The following CACNA2D1 variants were observed in gnomAD, a reference collection of about 807,000 sequenced individuals.
The protein encoded by CACNA2D1 is calcium voltage-gated channel auxiliary subunit alpha2delta 1, also known as voltage-dependent calcium channel subunit alpha-2/delta-1.
Under a neutral mutation model 171.5 loss-of-function variants are expected in CACNA2D1, and 53 were observed. That is an observed-to-expected ratio of 0.31 (90% CI 0.25 to 0.39). CACNA2D1 has a LOEUF of 0.39. Among genes scored for constraint, CACNA2D1 ranks in the 10% least tolerant of loss-of-function variants. CACNA2D1 has a pLI of 1.00. For synonymous variants in CACNA2D1, 442 were observed against 443.1 expected (o/e 1.00, Z 0.03); for missense variants, 903 against 1,299.8 (o/e 0.69, Z 4.69).
intron 3 of CACNA2D1, among the ~76,000 whole-genome samples, chr7:82,233,235 T>C (rs1296491240): frequency 2.0e-5 from 3 of 152,212 alleles, no homozygotes; most frequent in Admixed American, 6.5e-5. Context: ...TCTTGACATA[T>C]TACTATTTTC....
chr7:82,200,136 G>A (rs555537657), intron 3 of CACNA2D1, among the ~76,000 whole-genome samples: 1 of 152,152 alleles, frequency 6.6e-6, no homozygotes, highest in African/African-American at 2.4e-5. Context: ...ACACATATAC[G>A]TATGTATAAC....
chr7:82,101,721 T>C (rs1342325418), intron 6 of CACNA2D1, among the ~76,000 whole-genome samples: 1 of 152,190 alleles, frequency 6.6e-6, no homozygotes, highest in East Asian at 1.9e-4. Flanking sequence ...AAAAATGTCT[T>C]ATTTTATTGA....
chr7:81,985,132 T>C (rs1206638751), intron 21 of CACNA2D1, among the ~76,000 whole-genome samples: 3 of 151,884 alleles, frequency 2.0e-5, no homozygotes, highest in African/African-American at 7.3e-5. Flanking sequence ...ATATATAATG[T>C]TAAAGTGCTT....
intron 3 of CACNA2D1, among the ~76,000 whole-genome samples, chr7:82,308,981 A>T (rs1441212892): frequency 1.3e-5 from 2 of 152,208 alleles, no homozygotes; most frequent in Non-Finnish European, 2.9e-5. Flanking sequence ...GAAGTTGGCA[A>T]ATGAGAATTT....
At chr7:82,311,542 T>A (rs1284138284) in intron 3 of CACNA2D1, among the ~76,000 whole-genome samples, 1 of 152,140 alleles carries the variant, frequency 6.6e-6, no homozygotes, top group African/African-American at 2.4e-5. Flanking sequence ...AAAAAAAATC[T>A]TTTTTCTTTC....
chr7:82,321,668 T>C (rs1054834785), intron 3 of CACNA2D1, among the ~76,000 whole-genome samples: 3 of 152,098 alleles, frequency 2.0e-5, no homozygotes, highest in African/African-American at 4.8e-5. Context: ...TTGTGAGGAA[T>C]TGATGATAGC....
chr7:82,142,927 C>A (rs751281008), intron 4 of CACNA2D1, among the ~76,000 whole-genome samples: 2 of 152,140 alleles, frequency 1.3e-5, no homozygotes, highest in African/African-American at 4.8e-5. Flanking sequence ...GACTTAGCAA[C>A]CACTGCTATT....
At chr7:81,970,807 G>A in intron 26 of CACNA2D1, 70 bp from the exon 27 acceptor site, 1 of 858,592 alleles carries the variant, frequency 1.2e-6, no homozygotes, top group Non-Finnish European at 2.0e-6. Context: ...AGGTGTTGGT[G>A]ATACAAAGAG....
intron 3 of CACNA2D1, among the ~76,000 whole-genome samples, chr7:82,174,697 T>C (rs1323866235): frequency 5.9e-5 from 9 of 152,112 alleles, no homozygotes; most frequent in Admixed American, 5.9e-4. Flanking sequence ...AGCAAGGTTT[T>C]AGAAATTACT....
At chr7:82,242,097 G>GA (rs1034254176) in intron 3 of CACNA2D1, among the ~76,000 whole-genome samples, 3 of 152,026 alleles carry the variant, frequency 2.0e-5, no homozygotes, top group African/African-American at 7.2e-5. Flanking sequence ...CTAAGAGGGG[G>GA]AAAAAAGTGA....
chr7:82,050,346 A>T lies in CACNA2D1; in HGVS notation c.879+10082T>A, dbSNP rs537925647. On this transcript the variant is annotated intron_variant, in intron 10 of 38. Transcript: ENST00000356860. The stretch of plus-strand genomic sequence containing the variant: ...AAAATACAAGCCCTCTGAGTCAGAG[A>T]CAAAGAGTTTATTACTCATAGCAAC... 241 of 457,946 alleles carry T rather than the reference A, an allele frequency of 5.3e-4. 2 individuals carry two copies. Among genetic ancestry groups the T allele is most frequent in the South Asian group, 7.9e-4 (19 of 23,932 alleles). The allele number at this position is 457,946 out of a possible 1,614,324, so 28.4% of individuals were successfully genotyped here.
chr7:82,399,372 G>A (rs759059308), intron 1 of CACNA2D1, among the ~76,000 whole-genome samples: 176 of 151,678 alleles, frequency 1.2e-3, no homozygotes, highest in African/African-American at 3.9e-3. Context: ...CCCAGGAGGC[G>A]GAGGCTGCAG....
At chr7:82,336,367 T>C (rs1228534186) in intron 2 of CACNA2D1, among the ~76,000 whole-genome samples, 3 of 152,248 alleles carry the variant, frequency 2.0e-5, no homozygotes, top group Admixed American at 6.5e-5. Flanking sequence ...CATGGACTTA[T>C]AATTTTTTAT....
intron 5 of CACNA2D1, among the ~76,000 whole-genome samples, chr7:82,130,374 CA>C (rs1790813756): frequency 6.6e-6 from 1 of 151,128 alleles, no homozygotes. Flanking sequence ...TATTAAACAT[CA>C]AAAAAAGAGT....
chr7:82,067,347 G>A (rs1209386566), intron 7 of CACNA2D1, among the ~76,000 whole-genome samples: 2 of 152,044 alleles, frequency 1.3e-5, no homozygotes, highest in Non-Finnish European at 2.9e-5. Context: ...TATGACTCCT[G>A]GGCAAATGCC....
At chr7:82,112,156 T>G (rs763429833) in intron 6 of CACNA2D1, among the ~76,000 whole-genome samples, 48 of 152,318 alleles carry the variant, frequency 3.2e-4, no homozygotes, top group Middle Eastern at 6.8e-3. Flanking sequence ...TCCTAAGTAA[T>G]CTACCCTACA....
chr7:82,125,965 CCACTT>C (rs558197294), intron 5 of CACNA2D1, among the ~76,000 whole-genome samples: 4 of 152,124 alleles, frequency 2.6e-5, no homozygotes, highest in Non-Finnish European at 5.9e-5. Flanking sequence ...AAGATCACTT[CCACTT>C]AAGTTGTAAT....
At chr7:82,100,963 T>A (rs1177905234) in intron 6 of CACNA2D1, among the ~76,000 whole-genome samples, 3 of 152,114 alleles carry the variant, frequency 2.0e-5, no homozygotes, top group Non-Finnish European at 2.9e-5. Flanking sequence ...TGAAATATAA[T>A]GGAATTAGAA....
intron 7 of CACNA2D1, among the ~76,000 whole-genome samples, chr7:82,074,664 A>C (rs1244655594): frequency 6.6e-6 from 1 of 152,176 alleles, no homozygotes; most frequent in East Asian, 1.9e-4. Context: ...AATCCTCAGG[A>C]TATCTCAGTT....
Sources: gnomAD v4.1 joint callset for allele counts (sites outside exome capture counted in the v4.1 genomes callset) on GRCh38, gnomAD v4.1.1 for gene constraint, MANE v1.5 for transcripts, NCBI Gene and HGNC (gene_info 2026-07-23, HGNC 2026-07-21) for gene names.